The following GNAL variants were observed in gnomAD, a reference collection of about 807,000 sequenced individuals.
GNAL encodes guanine nucleotide-binding protein G(olf) subunit alpha.
A neutral mutation model predicts 55.1 loss-of-function variants in GNAL; 18 were observed. The ratio of observed to expected loss-of-function variants is 0.33; its 90% CI spans 0.23 to 0.48. The LOEUF is 0.48. Among genes scored for constraint, GNAL ranks in the 20% least tolerant of loss-of-function variants. The pLI, the probability that GNAL is intolerant of heterozygous loss-of-function variation, is 0.99. For synonymous variants in GNAL, 253 were observed against 237.0 expected, an observed-to-expected ratio of 1.07 and a Z score of -0.62; for missense variants, 412 against 614.1, an observed-to-expected ratio of 0.67 and a Z score of 3.48.
At chr18:11,843,791 T>C (rs2035671285) in intron 5 of GNAL, among the ~76,000 whole-genome samples, 1 of 149,196 alleles carries the variant, frequency 6.7e-6, no homozygotes, top group East Asian at 2.1e-4. Context: ...CTGACTAACA[T>C]GGATAAACCC....
chr18:11,869,971 AAATAAAC>A (rs2036357576), intron 9 of GNAL, among the ~76,000 whole-genome samples: 2 of 152,298 alleles, frequency 1.3e-5, no homozygotes, highest in African/African-American at 4.8e-5. Context: ...AAAATAATAC[AAATAAAC>A]AATACAGTAT....
At chr18:11,830,440 A>G (rs1209531697) in intron 5 of GNAL, among the ~76,000 whole-genome samples, 1 of 152,024 alleles carries the variant, frequency 6.6e-6, no homozygotes, top group Non-Finnish European at 1.5e-5. Flanking sequence ...AGTGCTTATG[A>G]AGAAGGTAAT....
intron 1 of GNAL, among the ~76,000 whole-genome samples, chr18:11,696,551 G>C (rs2031420560): frequency 4.6e-5 from 7 of 150,866 alleles, no homozygotes. Flanking sequence ...GCCTTAAAGA[G>C]AATGCAGTGA....
At chr18:11,757,707 G>T (rs2033104857) in intron 4 of GNAL, among the ~76,000 whole-genome samples, 1 of 152,182 alleles carries the variant, frequency 6.6e-6, no homozygotes, top group South Asian at 2.1e-4. Context: ...TTTTCCTGGT[G>T]AGTTGGAGAT....
intron 2 of GNAL, among the ~76,000 whole-genome samples, chr18:11,753,128 C>A (rs1011546428): frequency 2.0e-5 from 3 of 152,064 alleles, no homozygotes; most frequent in African/African-American, 4.8e-5. Flanking sequence ...AAAAAACTTG[C>A]TTAACAAAAT....
chr18:11,885,347 A>T lies in GNAL; in HGVS notation c.*4212A>T. The T allele has an allele frequency of 3.2e-6, 1 of 311,464 alleles. No individual in the cohort carries two copies. Among genetic ancestry groups the T allele is most frequent in the Non-Finnish European group, 6.1e-6 (1 of 164,584 alleles). The allele number at this position is 311,464 out of a possible 1,614,324, so 19.3% of individuals were successfully genotyped here. On this transcript the variant is annotated 3_prime_UTR_variant, in exon 12 of 12. Coordinates refer to ENST00000334049, the MANE Select transcript of GNAL (RefSeq NM_182978.4). ...TTTAGAAAATAAGAGAAGATGGCTG[A>T]GTATAGCTAATGAATAAATGGTTGT...
chr18:11,848,531 A>C (rs368601854), intron 5 of GNAL, among the ~76,000 whole-genome samples: 142 of 147,778 alleles, frequency 9.6e-4, no homozygotes, highest in African/African-American at 3.3e-3. Flanking sequence ...ATCTCAGCTC[A>C]CTGCAACCTC....
chr18:11,730,150 C>A (rs2032304978), intron 1 of GNAL, among the ~76,000 whole-genome samples: 1 of 150,916 alleles, frequency 6.6e-6, no homozygotes, highest in Admixed American at 6.6e-5. Flanking sequence ...TCTCCTGCCT[C>A]AGCCTCCCAC....
rs546926687 is a variant in GNAL at position 11,820,011 on chromosome 18, A to G, written c.625-4907A>G. 3.9e-5 allele frequency among the ~76,000 whole-genome samples: 6 copies of G among 152,306 alleles called. No homozygotes were observed. The South Asian group carries it at 1.2e-3, about 32-fold the overall frequency. On this transcript the variant is annotated intron_variant, in intron 4 of 11. Transcript: ENST00000334049. ...TTATATACCATTTTAACAAAGGGTG[A>G]GAAATTGTGGAAGAAGTGACTACAA...
intron 1 of GNAL, among the ~76,000 whole-genome samples, chr18:11,737,332 CT>C (rs1178007997): frequency 6.6e-6 from 1 of 152,140 alleles, no homozygotes; most frequent in Non-Finnish European, 1.5e-5. Context: ...CCTACCAATG[CT>C]TTAAATTGTG....
At chr18:11,880,588 T>C (rs1462789839) in intron 11 of GNAL, among the ~76,000 whole-genome samples, 2 of 152,038 alleles carry the variant, frequency 1.3e-5, no homozygotes, top group Non-Finnish European at 2.9e-5. Flanking sequence ...AATATATAAA[T>C]AAACAAACAA....
In GNAL at chr18:11,806,464, T is replaced by C. The variant is rs1050951681; in HGVS notation, c.625-18454T>C. 5.3e-5 allele frequency among the ~76,000 whole-genome samples: 8 copies of C among 152,346 alleles called. No homozygotes were observed. The South Asian group carries it at 1.7e-3, about 32-fold the overall frequency. ...TTCCCTAGGTTTCCTTTTAGTATTT[T>C]TATAGTTTCAAGTCTTACAATTAAG... On this transcript the variant is annotated intron_variant, in intron 4 of 11. Transcript: ENST00000334049.
intron 4 of GNAL, among the ~76,000 whole-genome samples, chr18:11,772,196 A>T (rs2033656944): frequency 6.6e-6 from 1 of 152,230 alleles, no homozygotes; most frequent in Non-Finnish European, 1.5e-5. Context: ...AGCAGAAATA[A>T]ATAAAAATAC....
chr18:11,782,439 T>C (rs2033947176), intron 4 of GNAL, among the ~76,000 whole-genome samples: 1 of 152,246 alleles, frequency 6.6e-6, no homozygotes, highest in Non-Finnish European at 1.5e-5. Context: ...AATCCTCTTT[T>C]GTTTGTAAGG....
chr18:11,725,720 A>T (rs2032197395), intron 1 of GNAL, among the ~76,000 whole-genome samples: 1 of 152,248 alleles, frequency 6.6e-6, no homozygotes, highest in Non-Finnish European at 1.5e-5. Flanking sequence ...AATCGTGAGT[A>T]AAGCTGCTGT....
At chr18:11,753,056 G>T in intron 2 of GNAL, 131 bp downstream of exon 2, 1 of 583,220 alleles carries the variant, frequency 1.7e-6, no homozygotes, top group Non-Finnish European at 3.0e-6. Context: ...GAAAAAATTA[G>T]ATATTTGCTG....
intron 4 of GNAL, among the ~76,000 whole-genome samples, chr18:11,782,177 C>T (rs2033939336): frequency 6.6e-6 from 1 of 152,036 alleles, no homozygotes; most frequent in Non-Finnish European, 1.5e-5. Flanking sequence ...ATTAGCTGGG[C>T]GTAGTGGCAG....
chr18:11,790,075 T>C (rs944555279), intron 4 of GNAL, among the ~76,000 whole-genome samples: 1 of 152,046 alleles, frequency 6.6e-6, no homozygotes, highest in African/African-American at 2.4e-5. Context: ...CCAGGAAGGG[T>C]GCTGTTGTTC....
intron 4 of GNAL, 71 bp from the exon 5 acceptor site, chr18:11,824,847 T>G: frequency 1.2e-6 from 1 of 839,438 alleles, no homozygotes; most frequent in South Asian, 1.6e-5. Context: ...TTGCAGTTTC[T>G]TTTTCCTTTT....
Sources: gnomAD v4.1 joint callset for allele counts (sites outside exome capture counted in the v4.1 genomes callset) on GRCh38, gnomAD v4.1.1 for gene constraint, MANE v1.5 for transcripts, NCBI Gene and HGNC (gene_info 2026-07-23, HGNC 2026-07-21) for gene names.